CEP95: variants seen among roughly 807,000 people sequenced by gnomAD.
CEP95 encodes the protein centrosomal protein 95, also known as centrosomal protein of 95 kDa.
CEP95 carries 98 observed loss-of-function variants against 111.2 expected under a neutral mutation model. The observed-to-expected ratio is 0.88, with a 90% CI of 0.75 to 1.04. The LOEUF (loss-of-function observed/expected upper bound fraction) is 1.04, where lower values mean the gene tolerates loss of function less well. CEP95 is among the 50% of genes least tolerant of loss of function. The probability of loss-of-function intolerance (pLI) is 0.00; values close to 1 mark genes in which losing one functional copy is unlikely to be tolerated. For synonymous variants in CEP95, 323 were observed against 327.1 expected (o/e 0.99, Z 0.14); for missense variants, 1,027 against 977.2 (o/e 1.05, Z -0.68).
At chr17:64,516,852 T>G in intron 5 of CEP95, 24 bp downstream of exon 5, 1 of 1,365,432 alleles carries the variant, frequency 7.3e-7, no homozygotes, top group Non-Finnish European at 1.0e-6. Flanking sequence ...TCTCTGAATT[T>G]GATGAAAACA....
intron 3 of CEP95, among the ~76,000 whole-genome samples, chr17:64,511,631 A>G (rs1447513947): frequency 6.6e-6 from 1 of 152,176 alleles, no homozygotes. Flanking sequence ...TGTGCAGTTA[A>G]CGCAATTATC....
chr17:64,526,368 G>A (rs1967821764), intron 10 of CEP95, among the ~76,000 whole-genome samples, 168 bp downstream of exon 10: 3 of 152,164 alleles, frequency 2.0e-5, no homozygotes, highest in South Asian at 4.1e-4. Context: ...ATCTCTCAGC[G>A]TTTCATGATC....
intron 6 of CEP95, chr17:64,520,369 CT>C (rs1221722779): frequency 6.6e-6 from 1 of 151,898 alleles, no homozygotes; most frequent in African/African-American, 2.4e-5. Context: ...CTTATGGCAG[CT>C]TCCTTTCATA....
rs1355791727 is a variant in CEP95 at position 64,508,352 on chromosome 17, A to G, written c.20-240A>G. The G allele has an allele frequency of 5.1e-6, 5 of 985,268 alleles. 1 individual carries two copies. The highest frequency in any genetic ancestry group is 9.4e-5 in the South Asian group (2 of 21,284). The allele number at this position is 985,268 out of a possible 1,614,324, so 61.0% of individuals were successfully genotyped here. On this transcript the variant is annotated intron_variant, in intron 1 of 19. Coordinates refer to ENST00000556440, the MANE Select transcript of CEP95 (RefSeq NM_138363.3). Reference sequence around the variant, plus strand: ...CTGCAACAGTATCAATTGAATTTGCAGTATAGTTTTGACTATGTAGAAATT... The same window carrying G: ...CTGCAACAGTATCAATTGAATTTGCGGTATAGTTTTGACTATGTAGAAATT...
chr17:64,527,846 C>T (rs1365567636), intron 11 of CEP95, among the ~76,000 whole-genome samples: 1 of 141,212 alleles, frequency 7.1e-6, no homozygotes, highest in East Asian at 2.0e-4. Flanking sequence ...TGCAGTGTGC[C>T]ACTTAATGTG....
intron 8 of CEP95, among the ~76,000 whole-genome samples, chr17:64,523,195 ATGTTTATGT>A (rs1174550220): frequency 6.6e-6 from 1 of 152,194 alleles, no homozygotes; most frequent in Admixed American, 6.5e-5. Flanking sequence ...CACATAGTGA[ATGTTTATGT>A]TGTGCCAGGC....
At chr17:64,533,874 A>G (rs1968457521) in intron 16 of CEP95, 2 of 152,148 alleles carry the variant, frequency 1.3e-5, no homozygotes, top group African/African-American at 4.8e-5. Flanking sequence ...GCCCTCTCCC[A>G]TCCTTCTCAG....
chr17:64,530,604 G>T (rs1235245114), intron 12 of CEP95, among the ~76,000 whole-genome samples: 2 of 150,890 alleles, frequency 1.3e-5, no homozygotes, highest in South Asian at 4.2e-4. Flanking sequence ...CGTTTCCCGG[G>T]TTCAAGCGAT....
Position 64,519,306 on chromosome 17 carries a change from A to C in CEP95, c.474-15A>C, listed in dbSNP as rs1555677122. On this transcript the variant is annotated splice_polypyrimidine_tract_variant and intron_variant, in intron 5 of 19. Coordinates refer to ENST00000556440, the MANE Select transcript of CEP95 (RefSeq NM_138363.3). ...GGTCAGGCTGGGCCCTGAGTGAAGG[A>C]GGGAACTTTTCCAGGTGCTCCTTGT... 2 of 1,598,962 alleles carry C rather than the reference A, an allele frequency of 1.3e-6. No homozygotes were observed. The highest frequency in any genetic ancestry group is 1.1e-5 in the South Asian group (1 of 90,756).
intron 1 of CEP95, chr17:64,508,293 T>C: frequency 2.0e-6 from 2 of 990,004 alleles, no homozygotes; most frequent in African/African-American, 1.7e-5. Context: ...AAAACACCCA[T>C]GTAAGGCTTA....
chr17:64,535,022 TTGGGA>T, intron 17 of CEP95: 1 of 393,798 alleles, frequency 2.5e-6, no homozygotes, highest in South Asian at 2.2e-5. Flanking sequence ...CTTTAGAGGT[TTGGGA>T]ACATGTGAGA....
intron 4 of CEP95, among the ~76,000 whole-genome samples, chr17:64,515,009 A>G (rs187283893): frequency 1.3e-5 from 2 of 152,348 alleles, no homozygotes; most frequent in East Asian, 3.8e-4. Flanking sequence ...CTTTGTTTAT[A>G]GTGAGACCTG....
chr17:64,536,119 T>C (rs1968637152), intron 17 of CEP95: 2 of 152,420 alleles, frequency 1.3e-5, no homozygotes, highest in African/African-American at 4.8e-5. Context: ...TGTTCTGTAG[T>C]GGTGATGGTT....
At chr17:64,512,361 C>A (rs1445913397) in intron 3 of CEP95, among the ~76,000 whole-genome samples, 1 of 152,134 alleles carries the variant, frequency 6.6e-6, no homozygotes, top group Non-Finnish European at 1.5e-5. Context: ...TTTGCACTTG[C>A]TGAATTTTGA....
intron 11 of CEP95, among the ~76,000 whole-genome samples, chr17:64,527,888 A>C (rs1967974236): frequency 6.9e-6 from 1 of 144,500 alleles, no homozygotes; most frequent in East Asian, 2.1e-4. Context: ...ATATATATAT[A>C]TATACACACA....
At chr17:64,510,456 A>G (rs1555674615) in intron 3 of CEP95, among the ~76,000 whole-genome samples, 176 bp downstream of exon 3, 1 of 152,254 alleles carries the variant, frequency 6.6e-6, no homozygotes. Flanking sequence ...CTTTTCCAGG[A>G]GAGCTGAACA....
chr17:64,508,549 C>T (rs1555673665), intron 1 of CEP95, 43 bp from the exon 2 acceptor site: 1 of 1,314,914 alleles, frequency 7.6e-7, no homozygotes, highest in African/African-American at 1.5e-5. Context: ...TGATTTTTTT[C>T]TGGTGGTTTT....
intron 1 of CEP95, 30 bp downstream of exon 1, chr17:64,507,146 G>A: frequency 6.4e-7 from 1 of 1,551,436 alleles, no homozygotes; most frequent in Non-Finnish European, 8.7e-7. Flanking sequence ...CCCAGTATGT[G>A]TGGACTGAAA....
intron 5 of CEP95, among the ~76,000 whole-genome samples, chr17:64,517,664 C>T (rs1433366728): frequency 6.7e-6 from 1 of 150,234 alleles, no homozygotes; most frequent in African/African-American, 2.5e-5. Context: ...GCTGGGACCA[C>T]AGGTGTGCGC....
Sources: allele counts gnomAD v4.1 joint callset (sites outside exome capture counted in the v4.1 genomes callset), GRCh38; gene constraint gnomAD v4.1.1; transcripts MANE v1.5; gene names NCBI Gene and HGNC (gene_info 2026-07-23, HGNC 2026-07-21).